The following LRRTM4 variants were observed in gnomAD, a reference collection of about 807,000 sequenced individuals.
LRRTM4 encodes the protein leucine rich repeat transmembrane neuronal 4, also known as leucine-rich repeat transmembrane neuronal protein 4.
A neutral mutation model predicts 47.6 loss-of-function variants in LRRTM4; 25 were observed. The ratio of observed to expected loss-of-function variants is 0.53; its 90% CI spans 0.38 to 0.73. LRRTM4 has a LOEUF of 0.73. Among genes scored for constraint, LRRTM4 ranks in the 30% least tolerant of loss-of-function variants. The pLI, the probability that LRRTM4 is intolerant of heterozygous loss-of-function variation, is 0.00. For synonymous variants in LRRTM4, 311 were observed against 269.5 expected (o/e 1.15, Z -1.51); for missense variants, 638 against 713.4 (o/e 0.89, Z 1.20).
At chr2:77,225,436 A>C (rs1254505854) in intron 3 of LRRTM4, among the ~76,000 whole-genome samples, 1 of 150,166 alleles carries the variant, frequency 6.7e-6, no homozygotes, top group African/African-American at 2.5e-5. Context: ...AAAAAAAAAA[A>C]CAGCTGATGT....
At chr2:77,423,229 T>C (rs1383803316) in intron 3 of LRRTM4, among the ~76,000 whole-genome samples, 3 of 152,194 alleles carry the variant, frequency 2.0e-5, no homozygotes, top group Non-Finnish European at 4.4e-5. Flanking sequence ...GTGTTATAAA[T>C]AATACTGAAA....
At chr2:77,092,559 C>T (rs1291958435) in intron 3 of LRRTM4, among the ~76,000 whole-genome samples, 1 of 128,654 alleles carries the variant, frequency 7.8e-6, no homozygotes, top group Admixed American at 7.6e-5. Flanking sequence ...TTTCCCTACA[C>T]ATCAAGCTCG....
At chr2:76,756,075 G>C (rs947608134) in intron 3 of LRRTM4, among the ~76,000 whole-genome samples, 8 of 152,148 alleles carry the variant, frequency 5.3e-5, no homozygotes, top group Non-Finnish European at 7.4e-5. Context: ...GCCAGGCAAG[G>C]ATTAAGTCAT....
intron 3 of LRRTM4, among the ~76,000 whole-genome samples, chr2:77,180,404 A>G (rs542052750): frequency 4.1e-4 from 62 of 152,250 alleles, no homozygotes; most frequent in African/African-American, 1.3e-3. Context: ...AAAGAGTACA[A>G]TTTTACAACT....
At chr2:77,344,761 A>G (rs1005903738) in intron 3 of LRRTM4, among the ~76,000 whole-genome samples, 1 of 151,866 alleles carries the variant, frequency 6.6e-6, no homozygotes, top group African/African-American at 2.4e-5. Flanking sequence ...CAAACCGCTG[A>G]AAACTAAAGA....
intron 3 of LRRTM4, among the ~76,000 whole-genome samples, chr2:77,228,315 T>C (rs769764399): frequency 1.3e-4 from 20 of 152,134 alleles, no homozygotes; most frequent in Non-Finnish European, 2.6e-4. Context: ...AGCTCATCCC[T>C]TCTCTCTTGA....
intron 3 of LRRTM4, among the ~76,000 whole-genome samples, chr2:77,081,445 A>G (rs62170951): frequency 0.12 from 17,505 of 152,094 alleles, 1,247 homozygotes; most frequent in East Asian, 0.16. Flanking sequence ...AAAGTTAATG[A>G]ATAGAAAATG....
At chr2:76,788,171 T>C (rs1674780412) in intron 3 of LRRTM4, among the ~76,000 whole-genome samples, 1 of 152,124 alleles carries the variant, frequency 6.6e-6, no homozygotes, top group African/African-American at 2.4e-5. Flanking sequence ...AGTAAATAAA[T>C]AGTTCCAGTA....
chr2:76,926,423 G>C (rs1263385216), intron 3 of LRRTM4, among the ~76,000 whole-genome samples: 1 of 152,096 alleles, frequency 6.6e-6, no homozygotes, highest in African/African-American at 2.4e-5. Context: ...TCTAATGAAA[G>C]TCTATCATTG....
intron 3 of LRRTM4, among the ~76,000 whole-genome samples, chr2:77,044,288 C>T (rs1573492507): frequency 6.6e-6 from 1 of 151,550 alleles, no homozygotes. Flanking sequence ...ATTAAACATA[C>T]ACTACTTAAA....
rs776265725 is a variant in LRRTM4, at chr2:77,483,118, C to CAAAAAAAAAAAA, written c.1551+35188_1551+35199dup. ...CCTAGGAGGCAGAGCAAGACTGTCTCAAAAAAAAAAAAAAAAAAAAAAAAA... is the reference window on the plus strand; with the variant it reads ...CCTAGGAGGCAGAGCAAGACTGTCTCAAAAAAAAAAAAAAAAAAAAAAAAAAAAAAAAAAAAA... On this transcript the variant is annotated intron_variant, in intron 3 of 3. Coordinates refer to ENST00000409884, the MANE Select transcript of LRRTM4 (RefSeq NM_001134745.3). 5.9e-4 allele frequency among the ~76,000 whole-genome samples: 36 copies of CAAAAAAAAAAAA among 60,592 alleles called. 2 individuals are homozygous for CAAAAAAAAAAAA. Among genetic ancestry groups the CAAAAAAAAAAAA allele is most frequent in the Non-Finnish European group, 8.7e-4 (31 of 35,646 alleles). The allele number at this position is 60,592 out of a possible 152,430, so 39.8% of individuals were successfully genotyped here. A position where few individuals can be genotyped will look rare whatever the true frequency, so the allele number is the denominator to read the frequency against.
intron 3 of LRRTM4, among the ~76,000 whole-genome samples, chr2:76,959,108 G>T (rs1316946770): frequency 4.0e-5 from 6 of 151,642 alleles, no homozygotes; most frequent in African/African-American, 1.2e-4. Flanking sequence ...CATCCCTTTG[G>T]CTGGTTATGA....
At chr2:77,488,427 G>C (rs893760629) in intron 3 of LRRTM4, among the ~76,000 whole-genome samples, 1 of 152,178 alleles carries the variant, frequency 6.6e-6, no homozygotes, top group Non-Finnish European at 1.5e-5. Flanking sequence ...GCAGGCGTGA[G>C]ATCAGTGCCA....
chr2:77,326,008 A>T (rs1020078911), intron 3 of LRRTM4, among the ~76,000 whole-genome samples: 1 of 152,044 alleles, frequency 6.6e-6, no homozygotes, highest in Non-Finnish European at 1.5e-5. Context: ...ACCTTTCCTC[A>T]CTCTGCTCCC....
intron 3 of LRRTM4, among the ~76,000 whole-genome samples, chr2:76,959,064 C>T (rs1232328400): frequency 2.0e-5 from 3 of 151,718 alleles, no homozygotes; most frequent in Non-Finnish European, 4.4e-5. Context: ...CCACTTTCTG[C>T]ATCATGAGCA....
chr2:77,027,833 ATAT>A (rs1206203475), intron 3 of LRRTM4, among the ~76,000 whole-genome samples: 1 of 152,174 alleles, frequency 6.6e-6, no homozygotes, highest in African/African-American at 2.4e-5. Flanking sequence ...TGATTTTAAC[ATAT>A]TATATATTCA....
intron 3 of LRRTM4, among the ~76,000 whole-genome samples, chr2:77,205,595 G>A: frequency 6.6e-6 from 1 of 152,096 alleles, no homozygotes; most frequent in East Asian, 1.9e-4. Context: ...AGAGGAAGAG[G>A]GAGAATGGAG....
intron 3 of LRRTM4, among the ~76,000 whole-genome samples, chr2:76,858,058 A>T (rs560319686): frequency 6.6e-6 from 1 of 152,256 alleles, no homozygotes; most frequent in African/African-American, 2.4e-5. Flanking sequence ...TCATATTTGC[A>T]AGCAAAAGAA....
At chr2:76,800,326 A>G (rs1431113680) in intron 3 of LRRTM4, among the ~76,000 whole-genome samples, 4 of 147,488 alleles carry the variant, frequency 2.7e-5, no homozygotes, top group Non-Finnish European at 4.5e-5. Flanking sequence ...GATCTTTGAC[A>G]AACCTGAGAA....
Sources: allele counts gnomAD v4.1 joint callset (sites outside exome capture counted in the v4.1 genomes callset), GRCh38; gene constraint gnomAD v4.1.1; transcripts MANE v1.5; gene names NCBI Gene and HGNC (gene_info 2026-07-23, HGNC 2026-07-21).